Variants in FFAR4 observed in about 807,000 individuals in gnomAD.
FFAR4 encodes G-protein coupled receptor 120.
In FFAR4, 19 loss-of-function variants were observed where a neutral mutation model predicts 27.0. The ratio of observed to expected loss-of-function variants is 0.70; its 90% confidence interval spans 0.49 to 1.03. The LOEUF is 1.03. Among genes scored for constraint, FFAR4 ranks in the 50% least tolerant of loss-of-function variants. The pLI is 0.00. For missense variants in FFAR4, 476 were observed against 479.0 expected (o/e 0.99, Z 0.06); for synonymous variants, 254 against 215.6 (o/e 1.18, Z -1.56).
Position 93,587,202 on chromosome 10 carries a change from T to C in FFAR4, c.697-18T>C. On this transcript the variant is annotated intron_variant, in intron 2 of 2. Transcript: ENST00000371481. ...CCTCGGTCACCTGTGGCTCCAGTCC[T>C]GTTTTGGTTTTCCACAGATCACAAA... 2 of 1,601,016 alleles carry C rather than the reference T, an allele frequency of 1.2e-6. No individual in the cohort carries two copies. The highest frequency in any genetic ancestry group is 1.7e-6 in the Non-Finnish European group (2 of 1,172,648).
chr10:93,582,759 C>G (rs1191443851), intron 2 of FFAR4, among the ~76,000 whole-genome samples: 1 of 152,134 alleles, frequency 6.6e-6, no homozygotes, highest in Non-Finnish European at 1.5e-5. Flanking sequence ...AAAGAACTGC[C>G]TGAGACTGGG....
intron 2 of FFAR4, among the ~76,000 whole-genome samples, chr10:93,577,859 A>G (rs1292690211): frequency 2.0e-5 from 3 of 152,062 alleles, no homozygotes; most frequent in African/African-American, 4.8e-5. Flanking sequence ...CTAGAGTCCC[A>G]ATGCATTAAT....
At chr10:93,583,434 A>G (rs939039707) in intron 2 of FFAR4, among the ~76,000 whole-genome samples, 4 of 150,320 alleles carry the variant, frequency 2.7e-5, no homozygotes, top group Non-Finnish European at 5.9e-5. Context: ...AAAAAAAAGT[A>G]GGACGCCTGG....
chr10:93,587,673 T>C lies in FFAR4; in HGVS notation c.*64T>C. The C allele has an allele frequency of 6.7e-7, 1 of 1,485,994 alleles. No homozygotes were observed. The highest frequency in any genetic ancestry group is 9.1e-7 in the Non-Finnish European group (1 of 1,093,500). The allele number at this position is 1,485,994 out of a possible 1,614,324, so 92.1% of individuals were successfully genotyped here. Reference sequence around the variant, plus strand: ...GTGGCATGCTTTTAAACAGAGTTCATTTCCAGTACCCTCCATCAGTGCACC... The same window carrying C: ...GTGGCATGCTTTTAAACAGAGTTCACTTCCAGTACCCTCCATCAGTGCACC... On this transcript the variant is annotated 3_prime_UTR_variant, in exon 3 of 3. Transcript: ENST00000371481.
chr10:93,569,193 G>A (rs1424957490), intron 1 of FFAR4, among the ~76,000 whole-genome samples: 3 of 152,184 alleles, frequency 2.0e-5, no homozygotes, highest in Admixed American at 2.0e-4. Flanking sequence ...TCTTACAGGA[G>A]AAAATGATGT....
intron 1 of FFAR4, 55 bp downstream of exon 1, chr10:93,567,342 G>A (rs993042098): frequency 2.9e-5 from 44 of 1,498,316 alleles, no homozygotes; most frequent in Non-Finnish European, 3.6e-5. Flanking sequence ...TGGGAAGCGG[G>A]GCCCCGACGG....
chr10:93,584,597 T>A (rs36039923), intron 2 of FFAR4, among the ~76,000 whole-genome samples: 10,270 of 152,286 alleles, frequency 0.067, 454 homozygotes, highest in South Asian at 0.2. Context: ...TCACTCAGCA[T>A]CTGTTGCCCT....
At position 93,566,756 on chromosome 10, in the gene FFAR4, G is replaced by A. The variant is rs756394607; in HGVS notation, c.36G>A (p.Ala12=). 2 of 1,604,186 alleles carry A rather than the reference G, an allele frequency of 1.2e-6. No individual in the cohort carries two copies. Among genetic ancestry groups the A allele is most frequent in the South Asian group, 1.1e-5 (1 of 90,536 alleles). Residue 12 remains alanine (A), a synonymous_variant, in exon 1 of 3, where the codon GCG becomes GCA. Coordinates refer to ENST00000371481, the MANE Select transcript of FFAR4 (RefSeq NM_001195755.2). ...AATGCGCGCGGGCAGCGGGCGACGC[G>A]CCCTTGCGCAGCCTGGAGCAAGCCA... ...SPECARAAGD[A]PLRSLEQANR... is the part of the protein sequence containing the mutation.
intron 2 of FFAR4, among the ~76,000 whole-genome samples, chr10:93,578,288 G>T (rs1224076312): frequency 1.3e-5 from 2 of 151,794 alleles, no homozygotes; most frequent in African/African-American, 4.8e-5. Flanking sequence ...GTAGTGGTGG[G>T]CGTCTGTAAT....
chr10:93,589,428 T>G lies in FFAR4; in HGVS notation c.*1819T>G, dbSNP rs191602554. ...GGCATTAGGGAGGGATTGTGAGAAA[T>G]GACTTGTAAATATACCTTGGGAAGG... is the stretch of plus-strand genomic sequence containing the variant. On this transcript the variant is annotated 3_prime_UTR_variant, in exon 3 of 3. Coordinates refer to ENST00000371481, the MANE Select transcript of FFAR4 (RefSeq NM_001195755.2). 6.6e-6 allele frequency: 1 copy of G among 152,074 alleles called. No homozygotes were observed. The highest frequency in any genetic ancestry group is 1.9e-4 in the East Asian group (1 of 5,170). The allele number at this position is 152,074 out of a possible 1,614,324, so 9.4% of individuals were successfully genotyped here.
At chr10:93,581,246 C>G (rs1191107317) in intron 2 of FFAR4, among the ~76,000 whole-genome samples, 1 of 152,212 alleles carries the variant, frequency 6.6e-6, no homozygotes, top group Non-Finnish European at 1.5e-5. Context: ...AACTGAGAAA[C>G]AAAATCTGTT....
Position 93,585,792 on chromosome 10 carries a change from C to G in FFAR4, c.697-1428C>G, listed in dbSNP as rs185476048. The stretch of plus-strand genomic sequence containing the variant: ...AGCAGCACCCACTCCAACCCATGGG[C>G]AGGCCCTTCCCACACCCACTCCCAC... On this transcript the variant is annotated intron_variant, in intron 2 of 2. Transcript: ENST00000371481. 3.2e-3 allele frequency among the ~76,000 whole-genome samples: 483 copies of G among 152,338 alleles called. 1 individual carries two copies. The highest frequency in any genetic ancestry group is 0.011 in the African/African-American group (454 of 41,596).
At chr10:93,583,229 C>T (rs557318919) in intron 2 of FFAR4, among the ~76,000 whole-genome samples, 4 of 140,730 alleles carry the variant, frequency 2.8e-5, no homozygotes, top group South Asian at 4.6e-4. Flanking sequence ...GGTGAAACCC[C>T]GTCTCTACTA....
At chr10:93,568,462 GCC>G (rs2058113155) in intron 1 of FFAR4, among the ~76,000 whole-genome samples, 3 of 152,150 alleles carry the variant, frequency 2.0e-5, no homozygotes, top group South Asian at 2.1e-4. Flanking sequence ...AATATGGGGC[GCC>G]CTGAGTAATC....
At position 93,587,606 on chromosome 10, in the gene FFAR4, C is replaced by T. The variant is rs2058236979; in HGVS notation, c.1083C>T (p.Gly361=). 6.2e-7 allele frequency: 1 copy of T among 1,609,612 alleles called. No individual in the cohort carries two copies. Among genetic ancestry groups the T allele is most frequent in the African/African-American group, 1.3e-5 (1 of 74,702 alleles). ...VKRNDLSIIS[G] is the part of the protein sequence containing the mutation. ...GAAATGACTTGTCGATTATTTCTGG[C>T]TAATTTTTCTTTATAGCCGAGTTTC... Residue 361 remains glycine, a synonymous_variant, in exon 3 of 3, where the codon GGC becomes GGT. Transcript: ENST00000371481.
In FFAR4 at chr10:93,587,723, C is replaced by T. The variant is rs182520702; in HGVS notation, c.*114C>T. The T allele has an allele frequency of 4.9e-4, 476 of 978,818 alleles. No homozygotes were observed. Among genetic ancestry groups the T allele is most frequent in the Admixed American group, 1.9e-3 (82 of 43,872 alleles). The allele number at this position is 978,818 out of a possible 1,614,324, so 60.6% of individuals were successfully genotyped here. On this transcript the variant is annotated 3_prime_UTR_variant, in exon 3 of 3. Coordinates refer to ENST00000371481, the MANE Select transcript of FFAR4 (RefSeq NM_001195755.2). Reference sequence around the variant, plus strand: ...CCTGCTTTAAGAAAATGAACCTATGCAAATAGACATCCACAGCGTCGGTAA... The same window carrying T: ...CCTGCTTTAAGAAAATGAACCTATGTAAATAGACATCCACAGCGTCGGTAA...
chr10:93,580,945 G>A (rs1198609054), intron 2 of FFAR4, among the ~76,000 whole-genome samples: 3 of 152,172 alleles, frequency 2.0e-5, no homozygotes, highest in Admixed American at 6.5e-5. Flanking sequence ...AAGTGCCTTC[G>A]GATCAGGCTG....
At position 93,587,787 on chromosome 10, in the gene FFAR4, T is replaced by G. The variant is rs59698833; in HGVS notation, c.*178T>G. 1 of 640,454 alleles carries G rather than the reference T, an allele frequency of 1.6e-6. No homozygotes were observed. Among genetic ancestry groups the G allele is most frequent in the Non-Finnish European group, 2.6e-6 (1 of 382,262 alleles). 39.7% of individuals were successfully genotyped at this position (640,454 alleles called of 1,614,324 possible). Reference sequence around the variant, plus strand: ...CACCAAGTTTCATAATATTTTCCCTTTATAAAAGGATTTGTTGGCCAGGTG... The same window carrying G: ...CACCAAGTTTCATAATATTTTCCCTGTATAAAAGGATTTGTTGGCCAGGTG... On this transcript the variant is annotated 3_prime_UTR_variant, in exon 3 of 3. Transcript: ENST00000371481.
intron 1 of FFAR4, among the ~76,000 whole-genome samples, chr10:93,572,744 C>A (rs1422125559): frequency 6.6e-6 from 1 of 152,096 alleles, no homozygotes; most frequent in Non-Finnish European, 1.5e-5. Flanking sequence ...GAGGATGGGA[C>A]CTTCAAAGCT....
Sources: gnomAD v4.1 joint callset for allele counts (sites outside exome capture counted in the v4.1 genomes callset) on GRCh38, gnomAD v4.1.1 for gene constraint, MANE v1.5 for transcripts, NCBI Gene and HGNC (gene_info 2026-07-23, HGNC 2026-07-21) for gene names.